SLC22A4: variants seen among roughly 807,000 people sequenced by gnomAD.
SLC22A4 encodes the protein ET transporter.
A neutral mutation model predicts 56.6 loss-of-function variants in SLC22A4; 39 were observed. That is an observed-to-expected ratio of 0.69 (90% CI 0.53 to 0.90). SLC22A4 has a LOEUF of 0.90. Among genes scored for constraint, SLC22A4 ranks in the 40% least tolerant of loss-of-function variants. The pLI is 0.00. For missense variants in SLC22A4, 594 were observed against 696.5 expected, an observed-to-expected ratio of 0.85 and a Z score of 1.66; for synonymous variants, 241 against 281.4, an observed-to-expected ratio of 0.86 and a Z score of 1.44.
rs149994518 is a variant in SLC22A4, at chr5:132,313,908, C to G, written c.652+140C>G. 1,550 of 936,824 alleles carry G rather than the reference C, an allele frequency of 1.7e-3. 1 individual carries two copies. The highest frequency in any genetic ancestry group is 2.6e-3 in the Admixed American group (136 of 52,644). 58.0% of individuals were successfully genotyped at this position (936,824 alleles called of 1,614,324 possible). A position where few individuals can be genotyped will look rare whatever the true frequency, so the allele number is the denominator to read the frequency against. On this transcript the variant is annotated intron_variant, in intron 3 of 9. Transcript: ENST00000200652. Reference sequence around the variant, plus strand: ...TTGGGAGGGAGCCGTAGCCACAGCTCTTGGAGCAAGTCAGGGGCAGGGCAG... The same window carrying G: ...TTGGGAGGGAGCCGTAGCCACAGCTGTTGGAGCAAGTCAGGGGCAGGGCAG...
At chr5:132,318,859 G>A (rs1404948179) in intron 3 of SLC22A4, among the ~76,000 whole-genome samples, 1 of 152,120 alleles carries the variant, frequency 6.6e-6, no homozygotes, top group Non-Finnish European at 1.5e-5. Flanking sequence ...ATAGAGCATA[G>A]GGGGCCAGGA....
At chr5:132,334,491 A>G (rs1456842960) in intron 6 of SLC22A4, among the ~76,000 whole-genome samples, 6 of 152,236 alleles carry the variant, frequency 3.9e-5, no homozygotes, top group Non-Finnish European at 7.3e-5. Context: ...ATGTCGTTCA[A>G]TATAGTAGCC....
intron 6 of SLC22A4, 127 bp downstream of exon 6, chr5:132,331,977 T>C (rs1750871214): frequency 1.4e-6 from 1 of 719,720 alleles, no homozygotes; most frequent in East Asian, 2.7e-5. Flanking sequence ...TATAAAATTC[T>C]AAATTATTTT....
chr5:132,322,085 TA>T, intron 3 of SLC22A4, 98 bp from the exon 4 acceptor site: 1 of 1,112,622 alleles, frequency 9.0e-7, no homozygotes, highest in Non-Finnish European at 1.4e-6. Flanking sequence ...TCCCCTTTTC[TA>T]AGTGGTGATA....
intron 6 of SLC22A4, among the ~76,000 whole-genome samples, chr5:132,332,638 C>G (rs754416512): frequency 6.6e-6 from 1 of 151,816 alleles, no homozygotes; most frequent in Non-Finnish European, 1.5e-5. Flanking sequence ...GGCTTTCAGG[C>G]GCAGAAATAC....
At chr5:132,336,190 T>A (rs73787144) in intron 8 of SLC22A4, among the ~76,000 whole-genome samples, 190 bp downstream of exon 8, 88 of 152,288 alleles carry the variant, frequency 5.8e-4, no homozygotes, top group Middle Eastern at 3.4e-3. Context: ...CATTTTGTTT[T>A]GCACAACATC....
chr5:132,305,386 A>G (rs1750003079), intron 1 of SLC22A4, among the ~76,000 whole-genome samples: 1 of 152,218 alleles, frequency 6.6e-6, no homozygotes, highest in South Asian at 2.1e-4. Flanking sequence ...ATAATGACTG[A>G]AAACTTCCCA....
chr5:132,306,395 A>G, intron 1 of SLC22A4, among the ~76,000 whole-genome samples: 1 of 19,130 alleles, frequency 5.2e-5, no homozygotes, highest in African/African-American at 3.6e-4. Context: ...ATATATATAT[A>G]TATATATATA....
At position 132,312,212 on chromosome 5, in the gene SLC22A4, T is replaced by C. The variant is rs1286049834; in HGVS notation, c.445T>C (p.Phe149Leu). The change falls in exon 2 of 10, where the codon TTC becomes CTC. Residue 149 changes from phenylalanine (F) to leucine (L), a missense_variant. Transcript: ENST00000200652. ...NWKVPLTTSL[F>L]FVGVLLGSFV... ...GAAGGTGCCCCTCACCACCTCCCTGTTCTTCGTAGGCGTGCTCCTCGGCTC... is the reference window on the plus strand; with the variant it reads ...GAAGGTGCCCCTCACCACCTCCCTGCTCTTCGTAGGCGTGCTCCTCGGCTC... 4 of 1,614,002 alleles carry C rather than the reference T, an allele frequency of 2.5e-6. No individual in the cohort carries two copies. The Admixed American group carries it at 6.7e-5, about 27-fold the overall frequency.
intron 5 of SLC22A4, among the ~76,000 whole-genome samples, chr5:132,328,848 C>CAG (rs1750764804): frequency 1.3e-5 from 2 of 148,876 alleles, no homozygotes; most frequent in African/African-American, 5.1e-5. Context: ...TACACACACA[C>CAG]ACACACACAC....
chr5:132,321,925 T>TA lies in SLC22A4; in HGVS notation c.653-257dup, dbSNP rs566214532. On this transcript the variant is annotated intron_variant, in intron 3 of 9. Transcript: ENST00000200652. ...TTTGTCTCAAAAATAATAATAATAA[T>TA]AATAAATTAATTAAAAATAAATAAA... Among the ~76,000 whole-genome samples the TA allele has an allele frequency of 3.2e-3, 492 of 151,584 alleles. 4 individuals carry two copies. Among genetic ancestry groups the TA allele is most frequent in the African/African-American group, 0.011 (467 of 41,356 alleles).
chr5:132,339,164 A>C (rs1256280825), intron 8 of SLC22A4, among the ~76,000 whole-genome samples: 1 of 152,180 alleles, frequency 6.6e-6, no homozygotes, highest in Non-Finnish European at 1.5e-5. Context: ...AGGTGTATTC[A>C]TCTTTTTCTT....
intron 3 of SLC22A4, among the ~76,000 whole-genome samples, chr5:132,320,324 C>T (rs1040588688): frequency 6.6e-6 from 1 of 152,198 alleles, no homozygotes; most frequent in Non-Finnish European, 1.5e-5. Context: ...TTCTCTTTTC[C>T]AAAATCAAAC....
chr5:132,315,185 C>T (rs1189513500), intron 3 of SLC22A4, among the ~76,000 whole-genome samples: 2 of 152,156 alleles, frequency 1.3e-5, no homozygotes, highest in Non-Finnish European at 2.9e-5. Context: ...TGTGACGATC[C>T]TCCCTAAGCC....
At chr5:132,319,644 G>A (rs1750474173) in intron 3 of SLC22A4, among the ~76,000 whole-genome samples, 1 of 152,212 alleles carries the variant, frequency 6.6e-6, no homozygotes, top group African/African-American at 2.4e-5. Context: ...CCAGTCTGGA[G>A]TGCAGTGGCA....
chr5:132,308,490 G>A (rs1361461998), intron 1 of SLC22A4, among the ~76,000 whole-genome samples: 1 of 137,842 alleles, frequency 7.3e-6, no homozygotes. Flanking sequence ...AAGGATAAGA[G>A]TACCCATCTC....
At chr5:132,322,449 A>G in intron 4 of SLC22A4, 94 bp downstream of exon 4, 1 of 1,311,418 alleles carries the variant, frequency 7.6e-7, no homozygotes, top group Non-Finnish European at 1.1e-6. Context: ...CTGGGCTTGC[A>G]TGACCTCCAC....
At position 132,310,436 on chromosome 5, in the gene SLC22A4, T is replaced by C. The variant is rs1189605446; in HGVS notation, c.394-1725T>C. On this transcript the variant is annotated intron_variant, in intron 1 of 9. Coordinates refer to ENST00000200652, the MANE Select transcript of SLC22A4 (RefSeq NM_003059.3). ...CGTCCTGTTTACCACTTCCGGTCTATGGACTGGCAGAACACATTAATCTGG... is the reference window on the plus strand; with the variant it reads ...CGTCCTGTTTACCACTTCCGGTCTACGGACTGGCAGAACACATTAATCTGG... Among the ~76,000 whole-genome samples, 8 of 152,352 alleles carry C rather than the reference T, an allele frequency of 5.3e-5. No homozygotes were observed. The East Asian group carries it at 5.8e-4, about 11-fold the overall frequency.
rs1342753863 is a variant in SLC22A4, at chr5:132,312,247, CG to C, written c.483del (p.Gln162SerfsTer52). 3 of 1,612,246 alleles carry C rather than the reference CG, an allele frequency of 1.9e-6. No individual in the cohort carries two copies. The highest frequency in any genetic ancestry group is 2.5e-6 in the Non-Finnish European group (3 of 1,178,284). Reference protein sequence around the residue: ...VGVLLGSFVSGQLSDRFGRKN... With the variant: ...VGVLLGSFVSXQLSDRFGRKN... The stretch of plus-strand genomic sequence containing the variant: ...GCGTGCTCCTCGGCTCCTTCGTGTC[CG>C]GGCAGCTGTCAGACAGGTAAGCACA... On this transcript the variant is annotated frameshift_variant, in exon 2 of 10. Transcript: ENST00000200652. LOFTEE classifies it high-confidence loss of function.
Sources: allele counts gnomAD v4.1 joint callset (sites outside exome capture counted in the v4.1 genomes callset), GRCh38; gene constraint gnomAD v4.1.1; transcripts MANE v1.5; gene names NCBI Gene and HGNC (gene_info 2026-07-23, HGNC 2026-07-21).